SLC38A1: variants seen among roughly 807,000 people sequenced by gnomAD.
SLC38A1 encodes the protein sodium-coupled neutral amino acid symporter 1.
SLC38A1 carries 18 observed loss-of-function variants against 60.3 expected under a neutral mutation model. That is an observed-to-expected ratio of 0.30 (90% CI 0.21 to 0.44). SLC38A1 has a LOEUF of 0.44. Among genes scored for constraint, SLC38A1 ranks in the 20% least tolerant of loss-of-function variants. The pLI is 1.00. For missense variants in SLC38A1, 448 were observed against 587.2 expected (o/e 0.76, Z 2.45); for synonymous variants, 196 against 212.1 (o/e 0.92, Z 0.66).
Position 46,239,749 on chromosome 12 carries a change from C to T in SLC38A1, c.52G>A (p.Val18Met), listed in dbSNP as rs1464486965. 1 of 1,613,402 alleles carries T rather than the reference C, an allele frequency of 6.2e-7. No individual in the cohort carries two copies. Among genetic ancestry groups the T allele is most frequent in the Non-Finnish European group, 8.5e-7 (1 of 1,179,890 alleles). Reference protein sequence around the residue: ...LELTELQNMTVPEDDNISNDS... With the variant: ...LELTELQNMTMPEDDNISNDS... Reference sequence around the variant, plus strand: ...TTGCTAATGTTATCATCCTCGGGCACTGTCATGTTTTGCAACTCAGTTAAT... The same window carrying T: ...TTGCTAATGTTATCATCCTCGGGCATTGTCATGTTTTGCAACTCAGTTAAT... The change falls in exon 3 of 17, where the codon GTG becomes ATG. Residue 18 changes from valine to methionine, a missense_variant. Val to Met is a conservative substitution (Grantham distance 21). This residue lies in a region of SLC38A1 where 102 missense variants were observed against 89.7 expected (regional missense o/e 1.14). Coordinates refer to ENST00000398637, the MANE Select transcript of SLC38A1 (RefSeq NM_030674.4).
chr12:46,203,198 T>C, intron 11 of SLC38A1, 109 bp from the exon 12 acceptor site: 1 of 895,718 alleles, frequency 1.1e-6, no homozygotes. Context: ...TCAGAATCCC[T>C]GGATTATTCG....
rs143724491 is a variant in SLC38A1 at position 46,195,810 on chromosome 12, G to A, written c.1362+1910C>T. 1,361 of 243,472 alleles carry A rather than the reference G, an allele frequency of 5.6e-3. 20 individuals are homozygous for A. Among genetic ancestry groups the A allele is most frequent in the African/African-American group, 0.028 (1,279 of 45,098 alleles). The allele number at this position is 243,472 out of a possible 1,614,324, so 15.1% of individuals were successfully genotyped here. On this transcript the variant is annotated intron_variant, in intron 16 of 16. Coordinates refer to ENST00000398637, the MANE Select transcript of SLC38A1 (RefSeq NM_030674.4). The stretch of plus-strand genomic sequence containing the variant: ...GCCAGTTGCTAAGACTGTGGGAAAA[G>A]TGCAGTATTTGGTCAGGAGTGTACC...
At chr12:46,234,450 T>C (rs4768691) in intron 3 of SLC38A1, among the ~76,000 whole-genome samples, 68,763 of 139,652 alleles carry the variant, frequency 0.49, 14,458 homozygotes, top group Admixed American at 0.51. Context: ...TTCTTTCTTT[T>C]TTTTTTTTTT....
chr12:46,263,242 T>C (rs1454289553), intron 1 of SLC38A1, among the ~76,000 whole-genome samples: 3 of 152,056 alleles, frequency 2.0e-5, no homozygotes, highest in African/African-American at 7.2e-5. Context: ...GATCCCCAGA[T>C]TGAGAATAAA....
Position 46,268,770 on chromosome 12 carries a change from C to T in SLC38A1, c.-453G>A, listed in dbSNP as rs1418564345. 2 of 334,208 alleles carry T rather than the reference C, an allele frequency of 6.0e-6. No individual in the cohort carries two copies. Among genetic ancestry groups the T allele is most frequent in the Non-Finnish European group, 1.3e-5 (2 of 151,716 alleles). 20.7% of individuals were successfully genotyped at this position (334,208 alleles called of 1,614,324 possible). ...AGTGGCGTGGCCGCCCCAGTCCGCG[C>T]TCGCCTGGCTCTCCTCCTTTCCGGG... On this transcript the variant is annotated 5_prime_UTR_variant, in exon 1 of 17. Coordinates refer to ENST00000398637, the MANE Select transcript of SLC38A1 (RefSeq NM_030674.4). The surrounding 1 kb of genome is among the most constrained non-coding windows in gnomAD (Gnocchi z 4.4).
intron 16 of SLC38A1, among the ~76,000 whole-genome samples, chr12:46,190,979 T>C (rs549571407): frequency 3.3e-5 from 5 of 152,202 alleles, no homozygotes; most frequent in Admixed American, 1.3e-4. Context: ...GCCATTGCTT[T>C]TTGTGTTTTA....
At chr12:46,253,230 G>T (rs1278442780) in intron 1 of SLC38A1, among the ~76,000 whole-genome samples, 1 of 152,116 alleles carries the variant, frequency 6.6e-6, no homozygotes, top group Non-Finnish European at 1.5e-5. Context: ...GTCCTGATCT[G>T]GACCCCAAAA....
chr12:46,250,241 T>C (rs1363424234), intron 1 of SLC38A1, among the ~76,000 whole-genome samples: 1 of 151,794 alleles, frequency 6.6e-6, no homozygotes, highest in Non-Finnish European at 1.5e-5. Context: ...AAAAACCACA[T>C]GATTATCTCA....
intron 5 of SLC38A1, among the ~76,000 whole-genome samples, chr12:46,224,563 C>T (rs1388137511): frequency 6.6e-6 from 1 of 152,158 alleles, no homozygotes; most frequent in Non-Finnish European, 1.5e-5. Context: ...TCCAAAGAAG[C>T]CTGGACAGTC....
chr12:46,233,089 G>C (rs961728453), intron 3 of SLC38A1, among the ~76,000 whole-genome samples: 6 of 152,196 alleles, frequency 3.9e-5, no homozygotes, highest in African/African-American at 1.4e-4. Context: ...CACAATCATA[G>C]CTCACTGTAA....
chr12:46,254,850 G>A (rs1941969507), intron 1 of SLC38A1: 1 of 153,152 alleles, frequency 6.5e-6, no homozygotes. Flanking sequence ...CAGGTAGAGA[G>A]AAACAAACAT....
At chr12:46,193,331 G>A (rs1211956495) in intron 16 of SLC38A1, among the ~76,000 whole-genome samples, 2 of 152,136 alleles carry the variant, frequency 1.3e-5, no homozygotes, top group East Asian at 1.9e-4. Flanking sequence ...TACATTTGCG[G>A]AGGAGTGTTT....
intron 5 of SLC38A1, among the ~76,000 whole-genome samples, 192 bp downstream of exon 5, chr12:46,228,961 T>C (rs970963929): frequency 1.3e-5 from 2 of 152,238 alleles, no homozygotes; most frequent in African/African-American, 4.8e-5. Flanking sequence ...GATTTTCTCC[T>C]TCCTCTTTGT....
chr12:46,225,347 T>G (rs10880942), intron 5 of SLC38A1, among the ~76,000 whole-genome samples: 13 of 152,184 alleles, frequency 8.5e-5, no homozygotes, highest in African/African-American at 2.9e-4. Flanking sequence ...GGTCCTCCCC[T>G]ATCCTGGCAA....
At chr12:46,255,021 T>C (rs1941975553) in intron 1 of SLC38A1, 1 of 152,272 alleles carries the variant, frequency 6.6e-6, no homozygotes, top group African/African-American at 2.4e-5. Context: ...GTTAATTTAG[T>C]TAACCCCTGT....
chr12:46,245,209 T>C (rs1047329947), intron 1 of SLC38A1, among the ~76,000 whole-genome samples: 5 of 152,260 alleles, frequency 3.3e-5, no homozygotes, highest in African/African-American at 1.2e-4. Context: ...TGAATCATCA[T>C]TGGTTTTTTA....
At chr12:46,237,677 A>G (rs901373071) in intron 3 of SLC38A1, among the ~76,000 whole-genome samples, 3 of 151,930 alleles carry the variant, frequency 2.0e-5, no homozygotes, top group African/African-American at 4.9e-5. Context: ...GTAATCATCT[A>G]AAAACTTGAC....
At chr12:46,208,755 C>A (rs534328772) in intron 6 of SLC38A1, among the ~76,000 whole-genome samples, 1 of 152,040 alleles carries the variant, frequency 6.6e-6, no homozygotes, top group South Asian at 2.1e-4. Context: ...TTTATAAAGA[C>A]CTAAGGAAAA....
chr12:46,191,673 G>C (rs556818334), intron 16 of SLC38A1, among the ~76,000 whole-genome samples: 57 of 152,110 alleles, frequency 3.7e-4, no homozygotes, highest in Admixed American at 7.9e-4. Context: ...GGCTTCCTAG[G>C]TATTTTATTC....
Sources: gnomAD v4.1 joint callset for allele counts (sites outside exome capture counted in the v4.1 genomes callset) on GRCh38, gnomAD v4.1.1 for gene constraint, gnomAD v4.1.1 regional missense constraint, Gnocchi (gnomAD v3.1) non-coding constraint, MANE v1.5 for transcripts, NCBI Gene and HGNC (gene_info 2026-07-23, HGNC 2026-07-21) for gene names.